The following ELAVL4 variants were observed in gnomAD, a reference collection of about 807,000 sequenced individuals.
ELAVL4 encodes ELAV-like protein 4.
A neutral mutation model predicts 35.6 loss-of-function variants in ELAVL4; 1 was observed. That is an observed-to-expected ratio of 0.03 (90% CI 0.01 to 0.13). The LOEUF (loss-of-function observed/expected upper bound fraction) is 0.13. Ranked by LOEUF, ELAVL4 falls within the 10% of genes least tolerant of loss-of-function variation. The pLI, the probability that ELAVL4 is intolerant of heterozygous loss-of-function variation, is 1.00. For missense variants in ELAVL4, 267 were observed against 464.9 expected (o/e 0.57, Z 3.91); for synonymous variants, 156 against 171.0 (o/e 0.91, Z 0.69).
chr1:50,091,021 G>A (rs192666871), intron 1 of ELAVL4, among the ~76,000 whole-genome samples: 1 of 152,294 alleles, frequency 6.6e-6, no homozygotes, highest in East Asian at 1.9e-4. Flanking sequence ...GAGTAAGGTG[G>A]GGGAAATTTA....
chr1:50,176,642 G>T (rs1680085240), intron 2 of ELAVL4, among the ~76,000 whole-genome samples: 1 of 152,192 alleles, frequency 6.6e-6, no homozygotes, highest in South Asian at 2.1e-4. Flanking sequence ...GTTATCTCCA[G>T]AACAGAGATT....
chr1:50,195,098 T>G (rs1402865832), intron 4 of ELAVL4, among the ~76,000 whole-genome samples: 1 of 152,078 alleles, frequency 6.6e-6, no homozygotes, highest in Non-Finnish European at 1.5e-5. Flanking sequence ...TGGGAGTCAG[T>G]GAAGAATAGG....
intron 1 of ELAVL4, among the ~76,000 whole-genome samples, chr1:50,110,410 C>T (rs1039395876): frequency 5.9e-5 from 9 of 152,244 alleles, no homozygotes; most frequent in Middle Eastern, 3.4e-3. Flanking sequence ...GATTCAGTAC[C>T]AGCCGATGCA....
intron 1 of ELAVL4, among the ~76,000 whole-genome samples, chr1:50,078,727 A>T (rs1344225946): frequency 6.6e-6 from 1 of 152,164 alleles, no homozygotes; most frequent in Non-Finnish European, 1.5e-5. Context: ...GTGAAAGAGG[A>T]AAGGTGCCTG....
intron 6 of ELAVL4, among the ~76,000 whole-genome samples, chr1:50,198,197 T>TG (rs1311989290): frequency 2.6e-5 from 4 of 152,194 alleles, no homozygotes; most frequent in African/African-American, 9.7e-5. Context: ...TCAAGGCTTT[T>TG]GGGGCTCTCT....
At chr1:50,095,812 A>C (rs1201422434) in intron 1 of ELAVL4, among the ~76,000 whole-genome samples, 3 of 152,194 alleles carry the variant, frequency 2.0e-5, no homozygotes, top group Non-Finnish European at 4.4e-5. Flanking sequence ...TATTCACCAA[A>C]TAAGGTTGTA....
intron 2 of ELAVL4, among the ~76,000 whole-genome samples, chr1:50,151,368 A>C (rs1452193075): frequency 1.3e-5 from 2 of 152,212 alleles, no homozygotes; most frequent in African/African-American, 4.8e-5. Flanking sequence ...TTTTGGTATT[A>C]AACAGGTCAC....
At chr1:50,160,307 C>T (rs6669839) in intron 2 of ELAVL4, among the ~76,000 whole-genome samples, 34,542 of 152,058 alleles carry the variant, frequency 0.23, 3,998 homozygotes, top group East Asian at 0.35. Context: ...AATTTCTACC[C>T]TAAAGACCTA....
intron 2 of ELAVL4, among the ~76,000 whole-genome samples, chr1:50,163,065 A>G (rs1677078483): frequency 6.6e-6 from 1 of 152,182 alleles, no homozygotes; most frequent in African/African-American, 2.4e-5. Flanking sequence ...AGTGGAAGTG[A>G]TGACTATAAA....
At chr1:50,073,469 C>CT (rs1175400633) in intron 1 of ELAVL4, among the ~76,000 whole-genome samples, 1 of 151,456 alleles carries the variant, frequency 6.6e-6, no homozygotes, top group Non-Finnish European at 1.5e-5. Context: ...AACCCATGTC[C>CT]TTTTTTTTGG....
intron 6 of ELAVL4, 160 bp from the exon 7 acceptor site, chr1:50,200,691 G>T: frequency 7.2e-7 from 1 of 1,395,624 alleles, no homozygotes; most frequent in Non-Finnish European, 9.7e-7. Context: ...CAGAGGAAAT[G>T]ACATAGACAT....
chr1:50,076,416 ATTG>A (rs1183438224), intron 1 of ELAVL4, among the ~76,000 whole-genome samples: 2 of 152,184 alleles, frequency 1.3e-5, no homozygotes, highest in African/African-American at 2.4e-5. Flanking sequence ...ATTAGTTATT[ATTG>A]TTGATCTCTT....
At chr1:50,156,462 G>C (rs942394175) in intron 2 of ELAVL4, among the ~76,000 whole-genome samples, 1 of 152,186 alleles carries the variant, frequency 6.6e-6, no homozygotes, top group Admixed American at 6.5e-5. Flanking sequence ...TGGATAAAGG[G>C]GGAGGAGAGG....
upstream of ELAVL4, among the ~76,000 whole-genome samples, chr1:50,107,384 A>G (rs1666423406): frequency 6.6e-6 from 1 of 152,232 alleles, no homozygotes; most frequent in Non-Finnish European, 1.5e-5. Context: ...CTAATGGATT[A>G]TGCAGTGTAC....
At chr1:50,172,180 G>A (rs973461969) in intron 2 of ELAVL4, among the ~76,000 whole-genome samples, 14 of 150,362 alleles carry the variant, frequency 9.3e-5, no homozygotes, top group Admixed American at 3.3e-4. Context: ...TCAACCATAA[G>A]GATGTCAGGA....
rs2148689954 is a variant in ELAVL4, at chr1:50,144,980, G to A, written c.33G>A (p.Gln11=). The A allele has an allele frequency of 6.2e-7, 1 of 1,613,768 alleles. No individual in the cohort carries two copies. Among genetic ancestry groups the A allele is most frequent in the East Asian group, 2.2e-5 (1 of 44,788 alleles). Residue 11 remains glutamine (Q), a synonymous_variant, in exon 2 of 7, where the codon CAG becomes CAA. Transcript: ENST00000371824. ...AGATAATTAGCACCATGGAGCCTCA[G>A]GTGTCAAATGGTCCGACATCCAATA... MVMIISTMEP[Q]VSNGPTSNTS... is the part of the protein sequence containing the mutation.
chr1:50,138,390 T>C (rs539647285), intron 1 of ELAVL4, among the ~76,000 whole-genome samples: 148 of 152,184 alleles, frequency 9.7e-4, no homozygotes, highest in Non-Finnish European at 1.5e-3. Flanking sequence ...ATAGGTTTTC[T>C]GAGGATATAG....
At position 50,201,192 on chromosome 1, in the gene ELAVL4, A is replaced by G. The variant is rs376752949; in HGVS notation, c.*14A>G. Reference sequence around the variant, plus strand: ...CACAAGTCCTGAATTTCCCATTCTTACTTACTAAAATATATATAGAAATAT... The same window carrying G: ...CACAAGTCCTGAATTTCCCATTCTTGCTTACTAAAATATATATAGAAATAT... On this transcript the variant is annotated 3_prime_UTR_variant, in exon 7 of 7. Transcript: ENST00000371824. The surrounding 1 kb of genome is among the most constrained non-coding windows in gnomAD (Gnocchi z 4.3). The G allele has an allele frequency of 1.6e-5, 25 of 1,547,454 alleles. No individual in the cohort carries two copies. The African/African-American group carries it at 3.3e-4, about 21-fold the overall frequency.
upstream of ELAVL4, among the ~76,000 whole-genome samples, chr1:50,108,613 A>G (rs148496019): frequency 6.6e-6 from 1 of 152,200 alleles, no homozygotes; most frequent in Non-Finnish European, 1.5e-5. Context: ...CTGTTAGTTT[A>G]GGTTTGCAAG....
Sources: allele counts gnomAD v4.1 joint callset (sites outside exome capture counted in the v4.1 genomes callset), GRCh38; gene constraint gnomAD v4.1.1; non-coding constraint Gnocchi (gnomAD v3.1); transcripts MANE v1.5; gene names NCBI Gene and HGNC (gene_info 2026-07-23, HGNC 2026-07-21).